The following RPS6KC1 variants were observed in gnomAD, a reference collection of about 807,000 sequenced individuals.
The protein encoded by RPS6KC1 is ribosomal protein S6 kinase C1.
Under a neutral mutation model 103.8 loss-of-function variants are expected in RPS6KC1, and 54 were observed. The observed-to-expected ratio is 0.52, with a 90% CI of 0.42 to 0.65. The LOEUF is 0.65. Ranked by LOEUF, RPS6KC1 falls within the 30% of genes least tolerant of loss-of-function variation. RPS6KC1 has a pLI of 0.00. For missense variants in RPS6KC1, 1,151 were observed against 1,253.8 expected (o/e 0.92, Z 1.24); for synonymous variants, 439 against 438.7 (o/e 1.00, Z -0.01).
At chr1:213,510,508 T>C in the RPS6KC1 span, among the ~76,000 whole-genome samples, 2 of 152,170 alleles carry the variant, frequency 1.3e-5, no homozygotes, top group Non-Finnish European at 1.5e-5. Context: ...GGCCAAATCA[T>C]AGGCTATAAC....
At chr1:213,688,326 A>G in the RPS6KC1 span, among the ~76,000 whole-genome samples, 4 of 152,158 alleles carry the variant, frequency 2.6e-5, no homozygotes, top group African/African-American at 7.2e-5. Flanking sequence ...CCCAGATGTC[A>G]TAAATAATAC....
chr1:213,142,750 A>G lies in RPS6KC1; in HGVS notation c.835+12861A>G, dbSNP rs75130431. On this transcript the variant is annotated intron_variant, in intron 6 of 14. Transcript: ENST00000366960. ...TCTAACAGCAAAAAGATTGCGACTT[A>G]CTGAAGGCTCGGATGATCGTTGTCA... Among the ~76,000 whole-genome samples the G allele has an allele frequency of 3.3e-4, 51 of 152,250 alleles. 1 individual carries two copies. In the East Asian group the frequency reaches 9.1e-3, roughly 27 times the overall value.
At chr1:213,289,444 G>A in the RPS6KC1 span, among the ~76,000 whole-genome samples, 1 of 152,086 alleles carries the variant, frequency 6.6e-6, no homozygotes, top group Non-Finnish European at 1.5e-5. Flanking sequence ...ACTGGGGCAT[G>A]AAAAGCAGCA....
At chr1:213,212,467 T>G (rs1468708901) in intron 8 of RPS6KC1, among the ~76,000 whole-genome samples, 1 of 152,238 alleles carries the variant, frequency 6.6e-6, no homozygotes, top group Non-Finnish European at 1.5e-5. Context: ...TGACCCCAGT[T>G]TACCCATTCA....
At chr1:213,799,631 A>T in the RPS6KC1 span, among the ~76,000 whole-genome samples, 1 of 152,220 alleles carries the variant, frequency 6.6e-6, no homozygotes, top group African/African-American at 2.4e-5. Context: ...CAAATGACTC[A>T]TGGGCCCATT....
At chr1:213,262,953 A>G (rs1335503820) in intron 14 of RPS6KC1, 137 bp downstream of exon 14, 2 of 643,730 alleles carry the variant, frequency 3.1e-6, no homozygotes, top group South Asian at 3.8e-5. Flanking sequence ...TTCAGAATTA[A>G]TACTGTATAT....
the RPS6KC1 span, among the ~76,000 whole-genome samples, chr1:213,763,058 C>T: frequency 6.6e-6 from 1 of 152,076 alleles, no homozygotes; most frequent in Non-Finnish European, 1.5e-5. Flanking sequence ...AGGATTTCAC[C>T]ATGTTGGCCA....
At chr1:213,384,966 G>A in the RPS6KC1 span, among the ~76,000 whole-genome samples, 3 of 152,172 alleles carry the variant, frequency 2.0e-5, no homozygotes, top group African/African-American at 4.8e-5. Flanking sequence ...AGGGTCATAT[G>A]TTTTACTGCC....
the RPS6KC1 span, among the ~76,000 whole-genome samples, chr1:213,709,670 C>T: frequency 1.3e-5 from 2 of 152,152 alleles, no homozygotes; most frequent in African/African-American, 4.8e-5. Context: ...CTATAAATGT[C>T]CTTGTAAACA....
chr1:213,567,318 G>A, the RPS6KC1 span, among the ~76,000 whole-genome samples: 7 of 152,132 alleles, frequency 4.6e-5, no homozygotes, highest in African/African-American at 1.7e-4. Context: ...AAGGCTTCTG[G>A]CTTTATACTG....
chr1:213,071,424 T>C (rs2078870646), intron 2 of RPS6KC1, among the ~76,000 whole-genome samples: 1 of 152,194 alleles, frequency 6.6e-6, no homozygotes, highest in Admixed American at 6.5e-5. Flanking sequence ...CCACTGTGCC[T>C]GGCCTGTACA....
intron 6 of RPS6KC1, among the ~76,000 whole-genome samples, chr1:213,153,134 C>A (rs1337388032): frequency 6.6e-6 from 1 of 152,302 alleles, no homozygotes; most frequent in African/African-American, 2.4e-5. Flanking sequence ...CAGGCTGAGT[C>A]AGGAGAGTCA....
At chr1:213,661,812 A>G in the RPS6KC1 span, among the ~76,000 whole-genome samples, 1 of 152,332 alleles carries the variant, frequency 6.6e-6, no homozygotes, top group African/African-American at 2.4e-5. Context: ...AATTTATGCC[A>G]GTTTATGAGG....
At chr1:213,474,350 G>A in the RPS6KC1 span, among the ~76,000 whole-genome samples, 1 of 151,542 alleles carries the variant, frequency 6.6e-6, no homozygotes, top group Non-Finnish European at 1.5e-5. Context: ...CCTGGTTTCT[G>A]AGGGTGGACA....
rs1048451194 is a variant in RPS6KC1, at chr1:213,241,504, T to G, written c.2028T>G (p.Ala676=). The G allele has an allele frequency of 1.2e-6, 2 of 1,613,872 alleles. No individual in the cohort carries two copies. The highest frequency in any genetic ancestry group is 2.7e-5 in the African/African-American group (2 of 74,920). The change falls in exon 11 of 15, where the codon GCT becomes GCG. Residue 676 remains alanine, a synonymous_variant. Coordinates refer to ENST00000366960, the MANE Select transcript of RPS6KC1 (RefSeq NM_012424.6). ...TGCCAGTTATTTCATTTAAAGATGC[T>G]GCTTTTGATGATGTCAGTGGTACTG... The part of the protein sequence containing the change: ...DSVPVISFKD[A]AFDDVSGTDE...
rs534018785 is a variant in RPS6KC1, at chr1:213,169,635, G to T, written c.951+1662G>T. On this transcript the variant is annotated intron_variant, in intron 7 of 14. Coordinates refer to ENST00000366960, the MANE Select transcript of RPS6KC1 (RefSeq NM_012424.6). ...TTCCGTGGGATTGACAACCTTCCTCGTGTGCAGTACTAATGTGTATATACT... is the reference window on the plus strand; with the variant it reads ...TTCCGTGGGATTGACAACCTTCCTCTTGTGCAGTACTAATGTGTATATACT... Among the ~76,000 whole-genome samples the T allele has an allele frequency of 2.0e-5, 3 of 151,776 alleles. No individual in the cohort carries two copies. In the South Asian group the frequency reaches 6.2e-4, roughly 32 times the overall value.
the RPS6KC1 span, among the ~76,000 whole-genome samples, chr1:213,301,591 C>CT: frequency 1.1e-4 from 16 of 152,092 alleles, no homozygotes; most frequent in Non-Finnish European, 7.4e-5. Context: ...CCCAGCTACT[C>CT]TGGAGGCTGA....
chr1:213,299,167 C>T, the RPS6KC1 span, among the ~76,000 whole-genome samples: 8 of 152,218 alleles, frequency 5.3e-5, no homozygotes, highest in East Asian at 7.7e-4. Context: ...AAGCAAGAGC[C>T]GAGTGAAAGC....
the RPS6KC1 span, among the ~76,000 whole-genome samples, chr1:213,335,228 T>C: frequency 2.6e-5 from 4 of 152,206 alleles, no homozygotes; most frequent in Non-Finnish European, 4.4e-5. Context: ...CTCAAGAGGA[T>C]AGGATGGCAG....
Sources: allele counts gnomAD v4.1 joint callset (sites outside exome capture counted in the v4.1 genomes callset), GRCh38; gene constraint gnomAD v4.1.1; transcripts MANE v1.5; gene names NCBI Gene and HGNC (gene_info 2026-07-23, HGNC 2026-07-21).